The following PDZRN4 variants were observed in gnomAD, a reference collection of about 807,000 sequenced individuals.
The protein encoded by PDZRN4 is PDZ domain containing ring finger 4, also known as PDZ domain-containing RING finger protein 4.
In PDZRN4, 70 loss-of-function variants were observed where a neutral mutation model predicts 99.0. The ratio of observed to expected loss-of-function variants is 0.71; its 90% confidence interval spans 0.58 to 0.86. The LOEUF (loss-of-function observed/expected upper bound fraction) is 0.86. Among genes scored for constraint, PDZRN4 ranks in the 40% least tolerant of loss-of-function variants. The probability of loss-of-function intolerance (pLI) is 0.00; values close to 1 mark genes in which losing one functional copy is unlikely to be tolerated. For synonymous variants in PDZRN4, 551 were observed against 501.6 expected, an observed-to-expected ratio of 1.10 and a Z score of -1.32; for missense variants, 1,474 against 1,331.2, an observed-to-expected ratio of 1.11 and a Z score of -1.67.
At chr12:41,461,279 A>G (rs916650878) in intron 3 of PDZRN4, among the ~76,000 whole-genome samples, 2 of 152,016 alleles carry the variant, frequency 1.3e-5, no homozygotes, top group Admixed American at 6.6e-5. Flanking sequence ...AACGTGCATC[A>G]TGGGGGTTTG....
intron 3 of PDZRN4, among the ~76,000 whole-genome samples, chr12:41,363,345 A>G (rs1951975980): frequency 6.6e-6 from 1 of 152,130 alleles, no homozygotes; most frequent in Admixed American, 6.6e-5. Flanking sequence ...ATTTGAAAAA[A>G]TAGGCTTACT....
intron 3 of PDZRN4, among the ~76,000 whole-genome samples, chr12:41,280,659 C>G (rs1039564606): frequency 3.3e-5 from 5 of 152,222 alleles, no homozygotes; most frequent in African/African-American, 1.2e-4. Flanking sequence ...GACTGCCTCT[C>G]TAGAGTCCTC....
At chr12:41,390,357 C>A (rs1414455418) in intron 3 of PDZRN4, among the ~76,000 whole-genome samples, 1 of 151,878 alleles carries the variant, frequency 6.6e-6, no homozygotes, top group African/African-American at 2.4e-5. Context: ...TTTTGCTATA[C>A]CATTTTATTT....
chr12:41,369,859 T>G (rs2121076878), intron 3 of PDZRN4, among the ~76,000 whole-genome samples: 1 of 152,002 alleles, frequency 6.6e-6, no homozygotes, highest in African/African-American at 2.4e-5. Context: ...CCCCATCAAT[T>G]CTTCTATACC....
chr12:41,438,614 T>C (rs1470020052), intron 3 of PDZRN4, among the ~76,000 whole-genome samples: 1 of 152,226 alleles, frequency 6.6e-6, no homozygotes. Flanking sequence ...GGTTTTTGTT[T>C]GTTTAGCACT....
At chr12:41,247,516 G>A (rs1372572849) in intron 3 of PDZRN4, among the ~76,000 whole-genome samples, 3 of 152,118 alleles carry the variant, frequency 2.0e-5, no homozygotes, top group Admixed American at 2.0e-4. Flanking sequence ...TGTTTTATGT[G>A]ATGAACAAAT....
intron 3 of PDZRN4, among the ~76,000 whole-genome samples, chr12:41,315,737 G>A (rs1222165334): frequency 6.6e-6 from 1 of 152,084 alleles, no homozygotes; most frequent in East Asian, 1.9e-4. Context: ...TACTATGTAG[G>A]TAAATTGCCC....
At chr12:41,426,089 A>G (rs1441831111) in intron 3 of PDZRN4, among the ~76,000 whole-genome samples, 1 of 152,206 alleles carries the variant, frequency 6.6e-6, no homozygotes, top group East Asian at 1.9e-4. Context: ...AAATCCATCA[A>G]TGTATAATGC....
intron 3 of PDZRN4, among the ~76,000 whole-genome samples, chr12:41,329,439 C>T (rs879815169): frequency 4.6e-5 from 7 of 152,076 alleles, no homozygotes; most frequent in Non-Finnish European, 8.8e-5. Context: ...TTTGTCAAAG[C>T]ATGTGTTTAT....
chr12:41,534,345 G>T (rs1938713769), intron 5 of PDZRN4, among the ~76,000 whole-genome samples: 1 of 151,822 alleles, frequency 6.6e-6, no homozygotes, highest in East Asian at 1.9e-4. Flanking sequence ...TGTTACATAG[G>T]TAAAGATGTG....
intron 3 of PDZRN4, among the ~76,000 whole-genome samples, chr12:41,299,265 T>A (rs537292686): frequency 1.3e-5 from 2 of 150,286 alleles, no homozygotes; most frequent in South Asian, 4.2e-4. Flanking sequence ...GAGAGTAAAA[T>A]GAGAGAGAGA....
At chr12:41,332,911 T>C (rs1016794323) in intron 3 of PDZRN4, among the ~76,000 whole-genome samples, 4 of 152,234 alleles carry the variant, frequency 2.6e-5, no homozygotes, top group Non-Finnish European at 4.4e-5. Context: ...CTATTTCAAA[T>C]GCCTTGCATG....
chr12:41,386,504 C>T (rs1952171673), intron 3 of PDZRN4, among the ~76,000 whole-genome samples: 2 of 152,136 alleles, frequency 1.3e-5, no homozygotes, highest in Admixed American at 6.5e-5. Context: ...ACATTCCATG[C>T]TCATGGATAG....
chr12:41,476,041 A>G (rs1033046039), intron 3 of PDZRN4, among the ~76,000 whole-genome samples: 15 of 152,210 alleles, frequency 9.9e-5, no homozygotes, highest in African/African-American at 2.7e-4. Context: ...GTGCACACAC[A>G]CATACACACA....
At chr12:41,453,937 C>T (rs920109724) in intron 3 of PDZRN4, among the ~76,000 whole-genome samples, 2 of 46,156 alleles carry the variant, frequency 4.3e-5, no homozygotes, top group African/African-American at 2.6e-4. Flanking sequence ...AATGTTTGAT[C>T]TTTATAAGAT....
rs1939041309 is a variant in PDZRN4, at chr12:41,550,913, T to C, written c.1204-1743T>C. On this transcript the variant is annotated intron_variant, in intron 5 of 9. Coordinates refer to ENST00000402685, the MANE Select transcript of PDZRN4 (RefSeq NM_001164595.2). Reference sequence around the variant, plus strand: ...TCAAATACAAAATTGAAAAGGAGGATATATACTCAAATGTACAGAGTGTTC... The same window carrying C: ...TCAAATACAAAATTGAAAAGGAGGACATATACTCAAATGTACAGAGTGTTC... Among the ~76,000 whole-genome samples, 4 of 152,304 alleles carry C rather than the reference T, an allele frequency of 2.6e-5. No individual in the cohort carries two copies. The South Asian group carries it at 8.3e-4, about 32-fold the overall frequency.
chr12:41,552,779 T>C, intron 6 of PDZRN4, 25 bp downstream of exon 6: 1 of 1,550,290 alleles, frequency 6.5e-7, no homozygotes, highest in Non-Finnish European at 8.9e-7. Flanking sequence ...GGAGGGGAAA[T>C]TCGAGGAGGG....
chr12:41,318,761 G>T, intron 3 of PDZRN4, among the ~76,000 whole-genome samples: 1 of 152,128 alleles, frequency 6.6e-6, no homozygotes, highest in East Asian at 1.9e-4. Context: ...TAAGTGTAAT[G>T]TGAGTGGGGA....
At chr12:41,530,005 G>A (rs1366954087) in intron 5 of PDZRN4, among the ~76,000 whole-genome samples, 1 of 152,160 alleles carries the variant, frequency 6.6e-6, no homozygotes, top group Non-Finnish European at 1.5e-5. Context: ...ACCTGTGTCT[G>A]TCTTTATGCT....
Sources: allele counts gnomAD v4.1 joint callset (sites outside exome capture counted in the v4.1 genomes callset), GRCh38; gene constraint gnomAD v4.1.1; transcripts MANE v1.5; gene names NCBI Gene and HGNC (gene_info 2026-07-23, HGNC 2026-07-21).